The following PDZRN3 variants were observed in gnomAD, a reference collection of about 807,000 sequenced individuals.
PDZRN3 encodes the protein E3 ubiquitin-protein ligase PDZRN3.
PDZRN3 carries 38 observed loss-of-function variants against 85.7 expected under a neutral mutation model. The ratio of observed to expected loss-of-function variants is 0.44; its 90% CI spans 0.34 to 0.58. The LOEUF (loss-of-function observed/expected upper bound fraction) is 0.58, where lower values mean the gene tolerates loss of function less well. PDZRN3 is among the 20% of genes least tolerant of loss of function. The pLI, the probability that PDZRN3 is intolerant of heterozygous loss-of-function variation, is 0.01. For missense variants in PDZRN3, 1,629 were observed against 1,506.4 expected (o/e 1.08, Z -1.35); for synonymous variants, 759 against 638.0 (o/e 1.19, Z -2.86).
intron 3 of PDZRN3, among the ~76,000 whole-genome samples, chr3:73,471,658 G>A (rs1703343406): frequency 6.6e-6 from 1 of 152,172 alleles, no homozygotes; most frequent in South Asian, 2.1e-4. Context: ...TGCCCTCAAG[G>A]AGGGCTGGGA....
At chr3:73,435,093 G>A (rs887674667) in intron 3 of PDZRN3, among the ~76,000 whole-genome samples, 5 of 152,186 alleles carry the variant, frequency 3.3e-5, no homozygotes, top group Middle Eastern at 3.2e-3. Context: ...TTGCTGAGAC[G>A]TGCCATGGGG....
intron 3 of PDZRN3, among the ~76,000 whole-genome samples, chr3:73,521,297 C>A (rs1575706338): frequency 6.6e-6 from 1 of 152,152 alleles, no homozygotes; most frequent in East Asian, 1.9e-4. Flanking sequence ...CCCTCCAATT[C>A]CCCATTAACT....
chr3:73,593,572 T>C (rs775094370), intron 3 of PDZRN3, among the ~76,000 whole-genome samples: 8 of 152,176 alleles, frequency 5.3e-5, no homozygotes, highest in Non-Finnish European at 1.0e-4. Flanking sequence ...CCATATGCTA[T>C]GAGCTTGTAG....
At position 73,608,640 on chromosome 3, in the gene PDZRN3, G is replaced by A. The variant is rs141691065; in HGVS notation, c.768C>T (p.Ser256=). Residue 256 remains serine (S), a synonymous_variant, in exon 2 of 10, where the codon TCC becomes TCT. Transcript: ENST00000263666. The stretch of plus-strand genomic sequence containing the variant: ...CAATAATATTGAATCCCAGGGAGCC[G>A]GAGTCCCGATGCAGGACAAGAGTCA... ...KSLTLVLHRD[S]GSLGFNIIGG... is the part of the protein sequence containing the mutation. 40 of 1,612,738 alleles carry A rather than the reference G, an allele frequency of 2.5e-5. No individual in the cohort carries two copies. The African/African-American group carries it at 2.9e-4, about 12-fold the overall frequency.
chr3:73,398,247 C>T (rs541389783), intron 5 of PDZRN3, among the ~76,000 whole-genome samples: 2 of 152,152 alleles, frequency 1.3e-5, no homozygotes, highest in African/African-American at 4.8e-5. Context: ...TAATGTTACA[C>T]TGCAGGGACA....
Position 73,624,583 on chromosome 3 carries a change from C to T in PDZRN3, c.243G>A (p.Lys81=). The T allele has an allele frequency of 6.4e-7, 1 of 1,552,614 alleles. No individual in the cohort carries two copies. The highest frequency in any genetic ancestry group is 8.7e-7 in the Non-Finnish European group (1 of 1,153,680). Residue 81 remains lysine (K), a synonymous_variant, in exon 1 of 10, where the codon AAG becomes AAA. Transcript: ENST00000263666. ...LKRLILKLDI[K]CAYATRGCGR... Reference sequence around the variant, plus strand: ...CGCAGCCGCGCGTCGCGTACGCGCACTTGATGTCCAGCTTGAGGATAAGGC... The same window carrying T: ...CGCAGCCGCGCGTCGCGTACGCGCATTTGATGTCCAGCTTGAGGATAAGGC...
chr3:73,581,051 G>C (rs1702194651), intron 3 of PDZRN3, among the ~76,000 whole-genome samples: 1 of 152,208 alleles, frequency 6.6e-6, no homozygotes, highest in African/African-American at 2.4e-5. Context: ...ACATTTTGGA[G>C]TTTGAGGTTT....
At chr3:73,584,131 G>GAA (rs367580315) in intron 3 of PDZRN3, among the ~76,000 whole-genome samples, 1 of 128,482 alleles carries the variant, frequency 7.8e-6, no homozygotes. Flanking sequence ...AATGAGGGGA[G>GAA]AAAAAAAAAA....
At chr3:73,500,916 T>A (rs1236766614) in intron 3 of PDZRN3, among the ~76,000 whole-genome samples, 5 of 152,182 alleles carry the variant, frequency 3.3e-5, no homozygotes, top group Non-Finnish European at 5.9e-5. Context: ...AGCTATATCA[T>A]TTCTTTTTTT....
At chr3:73,566,138 A>G (rs988250829) in intron 3 of PDZRN3, among the ~76,000 whole-genome samples, 2 of 152,222 alleles carry the variant, frequency 1.3e-5, no homozygotes, top group African/African-American at 4.8e-5. Context: ...TATATTTTAA[A>G]TTTTTGTTGT....
intron 3 of PDZRN3, among the ~76,000 whole-genome samples, chr3:73,495,593 G>C (rs1342221377): frequency 6.6e-6 from 1 of 152,076 alleles, no homozygotes; most frequent in African/African-American, 2.4e-5. Context: ...TGCTATTGAT[G>C]GACACTTAGG....
chr3:73,464,205 T>C (rs1703164809), intron 3 of PDZRN3, among the ~76,000 whole-genome samples: 1 of 152,170 alleles, frequency 6.6e-6, no homozygotes, highest in South Asian at 2.1e-4. Flanking sequence ...CAGGCTGGTT[T>C]TGAACTCCTG....
chr3:73,540,978 A>G (rs570005519), intron 3 of PDZRN3, among the ~76,000 whole-genome samples: 1 of 152,350 alleles, frequency 6.6e-6, no homozygotes, highest in South Asian at 2.1e-4. Flanking sequence ...TTACTGTTAC[A>G]AATGACAAAG....
At chr3:73,574,452 T>TGGGGGGGGGGG in intron 3 of PDZRN3, among the ~76,000 whole-genome samples, 1 of 23,642 alleles carries the variant, frequency 4.2e-5, no homozygotes. Flanking sequence ...TTTTTTTGGC[T>TGGGGGGGGGGG]GGGGTGGGGG....
At chr3:73,422,129 C>T (rs1702215886) in intron 3 of PDZRN3, among the ~76,000 whole-genome samples, 1 of 152,240 alleles carries the variant, frequency 6.6e-6, no homozygotes, top group Non-Finnish European at 1.5e-5. Flanking sequence ...CCCTTGAGGG[C>T]AGGGACTTTT....
intron 1 of PDZRN3, among the ~76,000 whole-genome samples, chr3:73,613,609 G>A (rs1301548008): frequency 6.6e-6 from 1 of 152,080 alleles, no homozygotes; most frequent in Non-Finnish European, 1.5e-5. Context: ...AAATGGAAAT[G>A]GAGTGGCACC....
intron 3 of PDZRN3, among the ~76,000 whole-genome samples, chr3:73,584,452 G>GGTGTGTGT (rs56393203): frequency 8.1e-4 from 68 of 83,984 alleles, no homozygotes; most frequent in African/African-American, 9.1e-4. Flanking sequence ...TTCATTTAAT[G>GGTGTGTGT]GTGTGTGTGT....
At position 73,458,171 on chromosome 3, in the gene PDZRN3, T is replaced by C. The variant is rs1231390267; in HGVS notation, c.919-53776A>G. ...ACCCTCCAAATGTGGCCCTTGTCAATGGGTTACAGTTTAGCTTGGGGTGGC... is the reference window on the plus strand; with the variant it reads ...ACCCTCCAAATGTGGCCCTTGTCAACGGGTTACAGTTTAGCTTGGGGTGGC... On this transcript the variant is annotated intron_variant, in intron 3 of 9. Transcript: ENST00000263666. 5.3e-5 allele frequency among the ~76,000 whole-genome samples: 8 copies of C among 152,192 alleles called. No individual in the cohort carries two copies. In the East Asian group the frequency reaches 1.6e-3, roughly 30 times the overall value.
At chr3:73,417,515 T>G (rs1018785172) in intron 3 of PDZRN3, among the ~76,000 whole-genome samples, 1 of 152,238 alleles carries the variant, frequency 6.6e-6, no homozygotes, top group African/African-American at 2.4e-5. Context: ...ACTAACTTTA[T>G]GTTTGTCCTA....
Sources: gnomAD v4.1 joint callset for allele counts (sites outside exome capture counted in the v4.1 genomes callset) on GRCh38, gnomAD v4.1.1 for gene constraint, MANE v1.5 for transcripts, NCBI Gene and HGNC (gene_info 2026-07-23, HGNC 2026-07-21) for gene names.